Variants in DPH6 observed in about 807,000 individuals in gnomAD.
DPH6 encodes the protein diphthine--ammonia ligase.
In DPH6, 33 loss-of-function variants were observed where a neutral mutation model predicts 38.2. The observed-to-expected ratio is 0.86, with a 90% CI of 0.65 to 1.15. DPH6 has a LOEUF of 1.15. Among genes scored for constraint, DPH6 ranks in the 50% most tolerant of loss-of-function variants. DPH6 has a pLI of 0.00. For missense variants in DPH6, 325 were observed against 320.0 expected (o/e 1.02, Z -0.12); for synonymous variants, 108 against 103.0 (o/e 1.05, Z -0.30).
chr15:35,545,313 G>A (rs938259911), intron 1 of DPH6, among the ~76,000 whole-genome samples: 1 of 152,144 alleles, frequency 6.6e-6, no homozygotes. Flanking sequence ...TATTTAAGCA[G>A]GTTTGTTTTT....
intron 5 of DPH6, among the ~76,000 whole-genome samples, chr15:35,446,759 C>T (rs2053859216): frequency 6.6e-6 from 1 of 152,040 alleles, no homozygotes. Flanking sequence ...CAAGGGACAA[C>T]TGGATAGCCT....
intron 3 of DPH6, among the ~76,000 whole-genome samples, chr15:35,325,366 C>CA (rs2052273813): frequency 6.6e-6 from 1 of 151,994 alleles, no homozygotes; most frequent in South Asian, 2.1e-4. Flanking sequence ...GTTACTAGAA[C>CA]AAAAATAGAC....
chr15:35,462,683 G>C (rs1421715619), intron 3 of DPH6, among the ~76,000 whole-genome samples: 1 of 151,892 alleles, frequency 6.6e-6, no homozygotes, highest in African/African-American at 2.4e-5. Context: ...CTATGTCCTT[G>C]CCCTGGCTTT....
At chr15:35,404,482 T>G (rs914536515) in intron 6 of DPH6, among the ~76,000 whole-genome samples, 1 of 152,194 alleles carries the variant, frequency 6.6e-6, no homozygotes, top group African/African-American at 2.4e-5. Flanking sequence ...TCAATGATGT[T>G]GAACACCTTT....
At chr15:35,222,059 T>A (rs549876106) in intron 3 of DPH6, among the ~76,000 whole-genome samples, 1 of 152,338 alleles carries the variant, frequency 6.6e-6, no homozygotes, top group South Asian at 2.1e-4. Context: ...TTGTTTCTCA[T>A]TTCTGAGAGT....
chr15:35,345,045 T>C (rs1243398935), intron 3 of DPH6, among the ~76,000 whole-genome samples: 1 of 151,804 alleles, frequency 6.6e-6, no homozygotes, highest in African/African-American at 2.4e-5. Flanking sequence ...GATGTTAAAA[T>C]ATGGAAAAAA....
chr15:35,403,735 T>C (rs750660519), intron 6 of DPH6, among the ~76,000 whole-genome samples: 4 of 152,046 alleles, frequency 2.6e-5, no homozygotes, highest in Non-Finnish European at 4.4e-5. Context: ...CTTGAACTCC[T>C]GGACTGAAGT....
intron 5 of DPH6, among the ~76,000 whole-genome samples, chr15:35,442,536 G>A (rs1391755397): frequency 6.6e-6 from 1 of 151,976 alleles, no homozygotes; most frequent in Non-Finnish European, 1.5e-5. Context: ...ATATACCCAA[G>A]AGAAATGAAT....
chr15:35,466,060 G>T (rs2054122357), intron 3 of DPH6, among the ~76,000 whole-genome samples: 1 of 152,080 alleles, frequency 6.6e-6, no homozygotes, highest in African/African-American at 2.4e-5. Flanking sequence ...GTGGGGCCAG[G>T]CATGGTGGCT....
chr15:35,359,359 C>A (rs1033462106), intron 3 of DPH6, among the ~76,000 whole-genome samples: 3 of 152,178 alleles, frequency 2.0e-5, no homozygotes, highest in Admixed American at 2.0e-4. Context: ...GTGGAGTCTG[C>A]ACACCAGATT....
At chr15:35,407,541 G>GGGTAGGTAA (rs2053310584) in intron 6 of DPH6, among the ~76,000 whole-genome samples, 1 of 152,010 alleles carries the variant, frequency 6.6e-6, no homozygotes, top group African/African-American at 2.4e-5. Flanking sequence ...TAATGGTACA[G>GGGTAGGTAA]GGTAGGTAAT....
intron 6 of DPH6, among the ~76,000 whole-genome samples, chr15:35,405,204 T>G (rs940425196): frequency 7.2e-5 from 11 of 151,814 alleles, no homozygotes; most frequent in African/African-American, 2.7e-4. Context: ...CTTTTGGGAT[T>G]CCATATAAAT....
At chr15:35,221,310 C>T (rs1335359674) in intron 3 of DPH6, among the ~76,000 whole-genome samples, 1 of 152,128 alleles carries the variant, frequency 6.6e-6, no homozygotes, top group Admixed American at 6.5e-5. Context: ...TTAGGGGTGG[C>T]CCTATTCCCA....
At chr15:35,397,866 T>TATAC (rs1555398537) in intron 6 of DPH6, among the ~76,000 whole-genome samples, 1 of 88,826 alleles carries the variant, frequency 1.1e-5, no homozygotes, top group Non-Finnish European at 2.3e-5. Context: ...AATTTATATA[T>TATAC]ATACACACAC....
At chr15:35,174,330 T>G in the DPH6 span, among the ~76,000 whole-genome samples, 1 of 152,372 alleles carries the variant, frequency 6.6e-6, no homozygotes, top group African/African-American at 2.4e-5. Context: ...AGTAGACATA[T>G]GAACATGTCT....
At chr15:35,406,085 T>C (rs1291474693) in intron 6 of DPH6, among the ~76,000 whole-genome samples, 4 of 152,084 alleles carry the variant, frequency 2.6e-5, no homozygotes, top group Non-Finnish European at 4.4e-5. Context: ...ATAAATATTA[T>C]ATGCCATGAG....
At chr15:35,298,689 C>T in intron 3 of DPH6, 2 of 1,572,886 alleles carry the variant, frequency 1.3e-6, no homozygotes, top group South Asian at 2.2e-5. Context: ...TCATGCTTCC[C>T]CAGACCCTGG....
chr15:35,228,633 C>T (rs1309393325), intron 3 of DPH6, among the ~76,000 whole-genome samples: 1 of 152,046 alleles, frequency 6.6e-6, no homozygotes, highest in Non-Finnish European at 1.5e-5. Flanking sequence ...CAGCATGTTG[C>T]CCAGGCTGAA....
At chr15:35,262,857 C>G (rs2140419840) in intron 3 of DPH6, among the ~76,000 whole-genome samples, 1 of 152,158 alleles carries the variant, frequency 6.6e-6, no homozygotes, top group South Asian at 2.1e-4. Context: ...TAGGAGTCAG[C>G]TGCTACATTA....
Sources: allele counts gnomAD v4.1 joint callset (sites outside exome capture counted in the v4.1 genomes callset), GRCh38; gene constraint gnomAD v4.1.1; transcripts MANE v1.5; gene names NCBI Gene and HGNC (gene_info 2026-07-23, HGNC 2026-07-21).